DLG2: variants seen among roughly 807,000 people sequenced by gnomAD.
DLG2 encodes discs large MAGUK scaffold protein 2.
In DLG2, 45 loss-of-function variants were observed where a neutral mutation model predicts 132.5. The observed-to-expected ratio is 0.34, with a 90% confidence interval of 0.27 to 0.44. DLG2 has a LOEUF of 0.44. Among genes scored for constraint, DLG2 ranks in the 20% least tolerant of loss-of-function variants. The pLI is 1.00. For missense variants in DLG2, 1,045 were observed against 1,196.9 expected, an observed-to-expected ratio of 0.87 and a Z score of 1.87; for synonymous variants, 424 against 419.6, an observed-to-expected ratio of 1.01 and a Z score of -0.13.
intron 6 of DLG2, among the ~76,000 whole-genome samples, chr11:84,865,043 A>T (rs1487433784): frequency 1.3e-5 from 2 of 152,190 alleles, no homozygotes; most frequent in African/African-American, 4.8e-5. Context: ...ATCTTTAAAA[A>T]GGGCTTGACA....
At chr11:85,243,500 TAGTCTTTTTCATGGCA>T (rs1317395331) in intron 4 of DLG2, among the ~76,000 whole-genome samples, 1 of 151,968 alleles carries the variant, frequency 6.6e-6, no homozygotes, top group Non-Finnish European at 1.5e-5. Flanking sequence ...AAGTTACCAT[TAGTCTTTTTCATGGCA>T]CCCTATAGCT....
At chr11:83,762,859 GC>G (rs2153766616) in intron 18 of DLG2, among the ~76,000 whole-genome samples, 1 of 152,352 alleles carries the variant, frequency 6.6e-6, no homozygotes, top group African/African-American at 2.4e-5. Flanking sequence ...GGGATTACAG[GC>G]GTGAGCCAAT....
At chr11:83,793,245 G>A (rs959317064) in intron 17 of DLG2, among the ~76,000 whole-genome samples, 13 of 151,786 alleles carry the variant, frequency 8.6e-5, no homozygotes, top group African/African-American at 2.4e-4. Flanking sequence ...CTTTTCTTTC[G>A]TACATTATTT....
chr11:84,585,360 T>C (rs2099527154), intron 6 of DLG2, among the ~76,000 whole-genome samples: 2 of 152,194 alleles, frequency 1.3e-5, no homozygotes, highest in Non-Finnish European at 2.9e-5. Flanking sequence ...GGTCCTTTTG[T>C]TTGTTTAGCC....
At chr11:85,349,881 C>T (rs540864397) in intron 3 of DLG2, among the ~76,000 whole-genome samples, 20 of 151,646 alleles carry the variant, frequency 1.3e-4, no homozygotes, top group Non-Finnish European at 2.2e-4. Flanking sequence ...TACGTGTGCA[C>T]GTGTCTTTAT....
At chr11:83,890,821 A>C (rs2069578062) in intron 15 of DLG2, among the ~76,000 whole-genome samples, 1 of 152,138 alleles carries the variant, frequency 6.6e-6, no homozygotes, top group Non-Finnish European at 1.5e-5. Flanking sequence ...CAATGGGTCG[A>C]AGGAAGGAAA....
intron 5 of DLG2, among the ~76,000 whole-genome samples, chr11:85,125,458 T>C (rs1282603947): frequency 6.6e-6 from 1 of 152,216 alleles, no homozygotes; most frequent in Non-Finnish European, 1.5e-5. Flanking sequence ...GATATATGTC[T>C]GAAAAACTAC....
intron 18 of DLG2, among the ~76,000 whole-genome samples, chr11:83,702,900 G>A (rs771033083): frequency 2.6e-5 from 4 of 152,228 alleles, no homozygotes; most frequent in African/African-American, 9.6e-5. Context: ...AGTTAAGGAG[G>A]TGATGGGAAG....
chr11:84,559,368 A>C (rs924513521), intron 6 of DLG2, among the ~76,000 whole-genome samples: 3 of 152,132 alleles, frequency 2.0e-5, no homozygotes, highest in Non-Finnish European at 4.4e-5. Context: ...GAACAATTAG[A>C]GACACAGACA....
At chr11:83,724,476 T>TGAGAGAGAGA (rs59782952) in intron 18 of DLG2, among the ~76,000 whole-genome samples, 2,461 of 117,992 alleles carry the variant, frequency 0.021, 50 homozygotes, top group East Asian at 0.06. Flanking sequence ...TGTGTGTGTG[T>TGAGAGAGAGA]GAGAGAGAGA....
intron 11 of DLG2, among the ~76,000 whole-genome samples, chr11:84,035,430 TAAAG>T (rs1311403188): frequency 1.3e-5 from 2 of 152,142 alleles, no homozygotes; most frequent in Non-Finnish European, 2.9e-5. Context: ...AAGCCCTTAA[TAAAG>T]AGAGAAAGCC....
chr11:83,715,817 C>G (rs73509276), intron 18 of DLG2, among the ~76,000 whole-genome samples: 7,862 of 152,236 alleles, frequency 0.052, 695 homozygotes, highest in African/African-American at 0.18. Context: ...CCCTGTCCTA[C>G]TTTTCTACTT....
intron 6 of DLG2, among the ~76,000 whole-genome samples, chr11:85,074,799 C>A (rs1186169176): frequency 6.6e-6 from 1 of 151,804 alleles, no homozygotes; most frequent in Admixed American, 6.6e-5. Context: ...CTACTCTATC[C>A]CCAGCCCTAG....
intron 6 of DLG2, among the ~76,000 whole-genome samples, chr11:84,852,244 A>G (rs17147636): frequency 0.025 from 3,785 of 152,162 alleles, 181 homozygotes; most frequent in African/African-American, 0.087. Flanking sequence ...CATGGAGTAA[A>G]AACATTTTCA....
intron 3 of DLG2, among the ~76,000 whole-genome samples, chr11:85,597,325 C>T (rs2079840305): frequency 1.3e-5 from 2 of 151,912 alleles, no homozygotes; most frequent in Admixed American, 6.6e-5. Context: ...AGATACATTG[C>T]CATTTAGTTA....
chr11:85,418,439 T>G (rs1597148921), intron 3 of DLG2, among the ~76,000 whole-genome samples: 1 of 151,932 alleles, frequency 6.6e-6, no homozygotes, highest in South Asian at 2.1e-4. Context: ...GTGGAGAGTT[T>G]TTTAGATGTC....
intron 18 of DLG2, among the ~76,000 whole-genome samples, chr11:83,781,927 T>C (rs2094844960): frequency 6.6e-6 from 1 of 152,234 alleles, no homozygotes; most frequent in Admixed American, 6.5e-5. Flanking sequence ...GAAAAATGTA[T>C]AATTAGGTTG....
chr11:83,968,800 C>T (rs1454180430), intron 12 of DLG2, among the ~76,000 whole-genome samples: 2 of 152,120 alleles, frequency 1.3e-5, no homozygotes, highest in Non-Finnish European at 2.9e-5. Context: ...AGCTATACTA[C>T]TTCTTCCAGA....
At chr11:85,082,372 C>T (rs1201369831) in intron 6 of DLG2, among the ~76,000 whole-genome samples, 1 of 151,954 alleles carries the variant, frequency 6.6e-6, no homozygotes, top group African/African-American at 2.4e-5. Context: ...GGAGAGTTGC[C>T]ATTCCAGGCC....
Sources: allele counts gnomAD v4.1 joint callset (sites outside exome capture counted in the v4.1 genomes callset), GRCh38; gene constraint gnomAD v4.1.1; transcripts MANE v1.5; gene names NCBI Gene and HGNC (gene_info 2026-07-23, HGNC 2026-07-21).